RFTN2: variants seen among roughly 807,000 people sequenced by gnomAD.
The protein encoded by RFTN2 is raftlin-2.
Under a neutral mutation model 52.7 loss-of-function variants are expected in RFTN2, and 34 were observed. The ratio of observed to expected loss-of-function variants is 0.64; its 90% confidence interval spans 0.49 to 0.86. The LOEUF (loss-of-function observed/expected upper bound fraction) is 0.86, where lower values mean the gene tolerates loss of function less well. RFTN2 is among the 40% of genes least tolerant of loss of function. RFTN2 has a pLI of 0.00. For missense variants in RFTN2, 536 were observed against 600.1 expected (o/e 0.89, Z 1.12); for synonymous variants, 203 against 217.7 (o/e 0.93, Z 0.59).
rs556311539 is a variant in RFTN2 at position 197,576,887 on chromosome 2, C to T, written c.1234-4607G>A. On this transcript the variant is annotated intron_variant, in intron 8 of 8. Coordinates refer to ENST00000295049, the MANE Select transcript of RFTN2 (RefSeq NM_144629.3). ...TGTGAAAGGAAAATAACCCTTGGGG[C>T]CCCAAAATCACCAAGCTAAAAGGAA... Among the ~76,000 whole-genome samples the T allele has an allele frequency of 6.7e-4, 102 of 152,232 alleles. 1 individual carries two copies. The South Asian group carries it at 0.016, about 24-fold the overall frequency.
In RFTN2 at chr2:197,617,908, A is replaced by C; in HGVS notation, c.942T>G (p.Pro314=). 1 of 1,607,166 alleles carries C rather than the reference A, an allele frequency of 6.2e-7. No homozygotes were observed. The highest frequency in any genetic ancestry group is 8.5e-7 in the Non-Finnish European group (1 of 1,176,452). Residue 314 remains proline (P), a synonymous_variant, in exon 6 of 9, where the codon CCT becomes CCG. Coordinates refer to ENST00000295049, the MANE Select transcript of RFTN2 (RefSeq NM_144629.3). ...AGATAAAAAATCCTTCCAAAGATTT[A>C]GGCAAATGTTCCCCTGTGAGGAAGA... ...FWETSKGEHL[P]KSLEGFFIYE...
chr2:197,627,483 C>T (rs1405124227), intron 5 of RFTN2, among the ~76,000 whole-genome samples: 1 of 152,208 alleles, frequency 6.6e-6, no homozygotes, highest in Non-Finnish European at 1.5e-5. Context: ...TGGGTCCTGG[C>T]ATATATGAAA....
At chr2:197,620,339 T>C (rs982323219) in intron 5 of RFTN2, among the ~76,000 whole-genome samples, 1 of 152,154 alleles carries the variant, frequency 6.6e-6, no homozygotes, top group Non-Finnish European at 1.5e-5. Context: ...CAAACTGATT[T>C]TATGGAAGTT....
chr2:197,624,677 G>T (rs1335842717), intron 5 of RFTN2, among the ~76,000 whole-genome samples: 4 of 149,704 alleles, frequency 2.7e-5, no homozygotes, highest in African/African-American at 9.9e-5. Context: ...AATTGCCACA[G>T]CTGGCCAGGC....
intron 1 of RFTN2, among the ~76,000 whole-genome samples, chr2:197,667,256 G>A (rs2089075142): frequency 6.6e-6 from 1 of 152,142 alleles, no homozygotes; most frequent in Non-Finnish European, 1.5e-5. Flanking sequence ...AAAGTGTTGG[G>A]ATTACAGACA....
chr2:197,584,671 A>T (rs958485034), intron 8 of RFTN2, among the ~76,000 whole-genome samples: 3 of 152,192 alleles, frequency 2.0e-5, no homozygotes, highest in African/African-American at 7.2e-5. Flanking sequence ...TGTTTTAGAC[A>T]TGAGGACTGG....
rs921188786 is a variant in RFTN2, at chr2:197,568,349, C to T, written c.*3659G>A. On this transcript the variant is annotated 3_prime_UTR_variant, in exon 9 of 9. Coordinates refer to ENST00000295049, the MANE Select transcript of RFTN2 (RefSeq NM_144629.3). Reference sequence around the variant, plus strand: ...TCTTTTGCAGTCGTCTTCACCAAAACTTTATGAACCTCATCAAAACTGAGG... The same window carrying T: ...TCTTTTGCAGTCGTCTTCACCAAAATTTTATGAACCTCATCAAAACTGAGG... 2.6e-5 allele frequency: 4 copies of T among 152,174 alleles called. No homozygotes were observed. Among genetic ancestry groups the T allele is most frequent in the African/African-American group, 4.8e-5 (2 of 41,446 alleles). The allele number at this position is 152,174 out of a possible 1,614,324, so 9.4% of individuals were successfully genotyped here.
intron 1 of RFTN2, among the ~76,000 whole-genome samples, chr2:197,647,312 T>A (rs529239783): frequency 6.6e-6 from 1 of 152,088 alleles, no homozygotes; most frequent in Admixed American, 6.5e-5. Context: ...AGCCCCCACC[T>A]CCCGGGCTCA....
chr2:197,570,293 T>TA lies in RFTN2; in HGVS notation c.*1714dup, dbSNP rs1482356710. 1.1e-4 allele frequency: 16 copies of TA among 152,238 alleles called. No individual in the cohort carries two copies. The highest frequency in any genetic ancestry group is 3.6e-4 in the African/African-American group (15 of 41,472). 9.4% of individuals were successfully genotyped at this position (152,238 alleles called of 1,614,324 possible). A position where few individuals can be genotyped will look rare whatever the true frequency, so the allele number is the denominator to read the frequency against. ...AGAATAAGACTGAGAAGAATATTCT[T>TA]AAATTCCTTTATACTGTACTTCTGG... On this transcript the variant is annotated 3_prime_UTR_variant, in exon 9 of 9. Coordinates refer to ENST00000295049, the MANE Select transcript of RFTN2 (RefSeq NM_144629.3).
At chr2:197,669,293 C>G (rs2089109070) in intron 1 of RFTN2, among the ~76,000 whole-genome samples, 1 of 151,990 alleles carries the variant, frequency 6.6e-6, no homozygotes, top group African/African-American at 2.4e-5. Context: ...CCAGACAGAC[C>G]ACAGAGTTTT....
chr2:197,672,473 G>A (rs528767472), intron 1 of RFTN2, among the ~76,000 whole-genome samples: 1 of 152,190 alleles, frequency 6.6e-6, no homozygotes, highest in Non-Finnish European at 1.5e-5. Flanking sequence ...GACCTCAATA[G>A]GTTGGTCAAA....
At chr2:197,667,369 A>G (rs2106273205) in intron 1 of RFTN2, among the ~76,000 whole-genome samples, 1 of 152,272 alleles carries the variant, frequency 6.6e-6, no homozygotes, top group Non-Finnish European at 1.5e-5. Flanking sequence ...ATTATTTTTC[A>G]GAATTCTCTT....
chr2:197,575,659 G>A (rs535701164), intron 8 of RFTN2, among the ~76,000 whole-genome samples: 12 of 150,162 alleles, frequency 8.0e-5, no homozygotes, highest in African/African-American at 2.7e-4. Flanking sequence ...CAGCTACTCA[G>A]GAGGCTGAAA....
At chr2:197,660,533 A>G (rs1356989045) in intron 1 of RFTN2, among the ~76,000 whole-genome samples, 1 of 152,058 alleles carries the variant, frequency 6.6e-6, no homozygotes, top group Non-Finnish European at 1.5e-5. Context: ...TAATGAAGTC[A>G]GGGTATCTGA....
chr2:197,587,556 C>T (rs370862782), intron 8 of RFTN2, among the ~76,000 whole-genome samples: 10 of 152,128 alleles, frequency 6.6e-5, no homozygotes, highest in African/African-American at 2.4e-4. Flanking sequence ...GAACAACCCC[C>T]TTTGACTGTA....
At chr2:197,604,864 G>A (rs2087934429) in intron 7 of RFTN2, among the ~76,000 whole-genome samples, 2 of 152,088 alleles carry the variant, frequency 1.3e-5, no homozygotes, top group African/African-American at 2.4e-5. Context: ...GGGCTCAAGC[G>A]ATTCTCATGC....
At chr2:197,574,420 C>G (rs927823053) in intron 8 of RFTN2, among the ~76,000 whole-genome samples, 16 of 152,180 alleles carry the variant, frequency 1.1e-4, no homozygotes, top group African/African-American at 3.9e-4. Flanking sequence ...GTTTCTCCCA[C>G]TTGGAATAGA....
chr2:197,625,733 C>G (rs1418962861), intron 5 of RFTN2, among the ~76,000 whole-genome samples: 1 of 139,536 alleles, frequency 7.2e-6, no homozygotes, highest in African/African-American at 2.7e-5. Flanking sequence ...CCTCCCTTCC[C>G]CTCCCCTCCT....
chr2:197,637,349 G>A (rs1426383333), intron 3 of RFTN2, among the ~76,000 whole-genome samples: 16 of 152,130 alleles, frequency 1.1e-4, no homozygotes, highest in African/African-American at 2.9e-4. Flanking sequence ...GGTAGAATTC[G>A]GCTGTGAATC....
Sources: gnomAD v4.1 joint callset for allele counts (sites outside exome capture counted in the v4.1 genomes callset) on GRCh38, gnomAD v4.1.1 for gene constraint, MANE v1.5 for transcripts, NCBI Gene and HGNC (gene_info 2026-07-23, HGNC 2026-07-21) for gene names.